The following ZNF385D variants were observed in gnomAD, a reference collection of about 807,000 sequenced individuals.
The protein encoded by ZNF385D is zinc finger protein 385D.
A neutral mutation model predicts 35.8 loss-of-function variants in ZNF385D; 15 were observed. The ratio of observed to expected loss-of-function variants is 0.42; its 90% confidence interval spans 0.28 to 0.64. The LOEUF (loss-of-function observed/expected upper bound fraction) is 0.64. Ranked by LOEUF, ZNF385D falls within the 30% of genes least tolerant of loss-of-function variation. The pLI, the probability that ZNF385D is intolerant of heterozygous loss-of-function variation, is 0.23. For synonymous variants in ZNF385D, 212 were observed against 186.8 expected (o/e 1.13, Z -1.10); for missense variants, 474 against 494.6 (o/e 0.96, Z 0.39).
intron 3 of ZNF385D, among the ~76,000 whole-genome samples, chr3:21,977,600 C>T (rs1191624199): frequency 6.6e-6 from 1 of 152,002 alleles, no homozygotes; most frequent in Non-Finnish European, 1.5e-5. Flanking sequence ...GGGAAGAGTG[C>T]TTGAGGACAG....
intron 3 of ZNF385D, among the ~76,000 whole-genome samples, chr3:21,552,093 C>T (rs1240362304): frequency 1.3e-5 from 2 of 152,176 alleles, no homozygotes; most frequent in East Asian, 3.9e-4. Context: ...AACTGAATTA[C>T]AATGTTATTT....
rs1700533456 is a variant in ZNF385D, at chr3:21,414,395, C to A, written c.*6819G>T. On this transcript the variant is annotated 3_prime_UTR_variant, in exon 8 of 8. Coordinates refer to ENST00000281523, the MANE Select transcript of ZNF385D (RefSeq NM_024697.3). ...AAAACACTCCAACCTTTTTTCAGGA[C>A]AAAAGAGAAAGCTAATATAGCTACA... 1 of 151,962 alleles carries A rather than the reference C, an allele frequency of 6.6e-6. No individual in the cohort carries two copies. Among genetic ancestry groups the A allele is most frequent in the Non-Finnish European group, 1.5e-5 (1 of 67,960 alleles). The allele number at this position is 151,962 out of a possible 1,614,324, so 9.4% of individuals were successfully genotyped here. A position where few individuals can be genotyped will look rare whatever the true frequency, so the allele number is the denominator to read the frequency against.
At chr3:22,103,994 T>C (rs1405072235) in intron 3 of ZNF385D, among the ~76,000 whole-genome samples, 1 of 152,166 alleles carries the variant, frequency 6.6e-6, no homozygotes, top group Non-Finnish European at 1.5e-5. Flanking sequence ...TATTCACTTA[T>C]ATATTACATG....
At chr3:22,216,750 C>T (rs570100020) in intron 2 of ZNF385D, among the ~76,000 whole-genome samples, 1 of 152,048 alleles carries the variant, frequency 6.6e-6, no homozygotes, top group African/African-American at 2.4e-5. Flanking sequence ...ACCACACTTG[C>T]GAATTTCCTT....
rs56303677 is a variant in ZNF385D at position 21,975,702 on chromosome 3, AATATATATATATATATAT to A, written c.325+193097_325+193114del. Reference sequence around the variant, plus strand: ...ATATATACCTATTATGTACCCACGAAATATATATATATATATATATATATATATATATATATATATATA... The same window carrying A: ...ATATATACCTATTATGTACCCACGAAATATATATATATATATATATATATA... On this transcript the variant is annotated intron_variant, in intron 3 of 5. Transcript: ENST00000494108. 7.1e-3 allele frequency among the ~76,000 whole-genome samples: 875 copies of A among 123,968 alleles called. 26 individuals carry two copies. The East Asian group carries it at 0.073, about 10-fold the overall frequency. 81.3% of individuals were successfully genotyped at this position (123,968 alleles called of 152,430 possible). A position where few individuals can be genotyped will look rare whatever the true frequency, so the allele number is the denominator to read the frequency against.
At chr3:22,005,622 T>C (rs1358654610) in intron 3 of ZNF385D, among the ~76,000 whole-genome samples, 1 of 152,124 alleles carries the variant, frequency 6.6e-6, no homozygotes, top group Non-Finnish European at 1.5e-5. Flanking sequence ...AATTATTATA[T>C]ATCAATAAGA....
At chr3:22,329,856 C>CT (rs1461084734) in intron 2 of ZNF385D, among the ~76,000 whole-genome samples, 1 of 152,140 alleles carries the variant, frequency 6.6e-6, no homozygotes, top group African/African-American at 2.4e-5. Context: ...ATTGAGATAG[C>CT]TTTTTTTGAA....
chr3:22,321,164 GTTTTTT>G, intron 2 of ZNF385D, among the ~76,000 whole-genome samples: 2 of 76,164 alleles, frequency 2.6e-5, no homozygotes, highest in Non-Finnish European at 4.8e-5. Flanking sequence ...TTATGACCTT[GTTTTTT>G]TTTTTTTTTT....
intron 4 of ZNF385D, among the ~76,000 whole-genome samples, chr3:21,443,580 G>C (rs931318674): frequency 2.0e-5 from 3 of 152,098 alleles, no homozygotes; most frequent in African/African-American, 7.2e-5. Context: ...GCTGGAAGAA[G>C]TATTACTAGA....
intron 3 of ZNF385D, among the ~76,000 whole-genome samples, chr3:21,529,567 C>A (rs1168685819): frequency 6.6e-6 from 1 of 151,948 alleles, no homozygotes; most frequent in Non-Finnish European, 1.5e-5. Context: ...TTCCATCTTA[C>A]GTAAATTTTA....
intron 3 of ZNF385D, among the ~76,000 whole-genome samples, chr3:21,548,298 G>A (rs1479299799): frequency 3.9e-5 from 6 of 152,108 alleles, no homozygotes; most frequent in African/African-American, 1.2e-4. Context: ...TCACAGCAAT[G>A]AGGAAAAATG....
intron 3 of ZNF385D, among the ~76,000 whole-genome samples, chr3:21,863,064 TAC>T (rs990024658): frequency 5.9e-5 from 9 of 152,108 alleles, no homozygotes; most frequent in Non-Finnish European, 1.3e-4. Flanking sequence ...TATTTGAAAA[TAC>T]ACACATAAAT....
chr3:21,952,032 A>C (rs1702090180), intron 3 of ZNF385D, among the ~76,000 whole-genome samples: 1 of 150,232 alleles, frequency 6.7e-6, no homozygotes, highest in South Asian at 2.1e-4. Flanking sequence ...AACTCAACAC[A>C]AGACTGTCTT....
At chr3:21,547,547 T>G (rs2062419216) in intron 3 of ZNF385D, among the ~76,000 whole-genome samples, 1 of 152,110 alleles carries the variant, frequency 6.6e-6, no homozygotes, top group Admixed American at 6.5e-5. Context: ...GCGCCTCCTG[T>G]TAGCAGAAAG....
At chr3:22,250,813 G>A (rs189899033) in intron 2 of ZNF385D, among the ~76,000 whole-genome samples, 1 of 152,158 alleles carries the variant, frequency 6.6e-6, no homozygotes, top group Admixed American at 6.5e-5. Flanking sequence ...AGTTTAGAGT[G>A]AATCTGTGGG....
intron 3 of ZNF385D, among the ~76,000 whole-genome samples, chr3:21,980,657 G>T (rs565780007): frequency 6.6e-6 from 1 of 151,908 alleles, no homozygotes; most frequent in African/African-American, 2.4e-5. Flanking sequence ...ACACTATTTC[G>T]TCATCCAGCT....
intron 3 of ZNF385D, among the ~76,000 whole-genome samples, chr3:21,996,532 TGAAACTCATATTTTGATA>T (rs1310009138): frequency 2.0e-5 from 3 of 152,158 alleles, no homozygotes; most frequent in Admixed American, 2.0e-4. Flanking sequence ...TCACCTCTAC[TGAAACTCATATTTTGATA>T]GAATAATCTA....
At chr3:21,983,180 ATACTTT>A (rs1694602183) in intron 3 of ZNF385D, among the ~76,000 whole-genome samples, 2 of 139,820 alleles carry the variant, frequency 1.4e-5, no homozygotes, top group Non-Finnish European at 3.1e-5. Context: ...TTTTTTTATT[ATACTTT>A]AAGTTTTAGG....
At chr3:22,273,352 A>G (rs1306224684) in intron 2 of ZNF385D, among the ~76,000 whole-genome samples, 2 of 151,998 alleles carry the variant, frequency 1.3e-5, no homozygotes, top group Admixed American at 1.3e-4. Context: ...TTGGAAATTA[A>G]AGCAGATATA....
Sources: gnomAD v4.1 joint callset for allele counts (sites outside exome capture counted in the v4.1 genomes callset) on GRCh38, gnomAD v4.1.1 for gene constraint, MANE v1.5 for transcripts, NCBI Gene and HGNC (gene_info 2026-07-23, HGNC 2026-07-21) for gene names.